The following ST8SIA2 variants were observed in gnomAD, a reference collection of about 807,000 sequenced individuals.
The protein encoded by ST8SIA2 is alpha-2,8-sialyltransferase 8B.
A neutral mutation model predicts 37.6 loss-of-function variants in ST8SIA2; 22 were observed. The ratio of observed to expected loss-of-function variants is 0.58; its 90% CI spans 0.42 to 0.83. The LOEUF (loss-of-function observed/expected upper bound fraction) is 0.83, where lower values mean the gene tolerates loss of function less well. Ranked by LOEUF, ST8SIA2 falls within the 40% of genes least tolerant of loss-of-function variation. The probability of loss-of-function intolerance (pLI) is 0.00; values close to 1 mark genes in which losing one functional copy is unlikely to be tolerated. For synonymous variants in ST8SIA2, 205 were observed against 201.2 expected, an observed-to-expected ratio of 1.02 and a Z score of -0.16; for missense variants, 382 against 484.7, an observed-to-expected ratio of 0.79 and a Z score of 1.99.
chr15:92,413,801 C>A (rs1023597892), intron 1 of ST8SIA2, among the ~76,000 whole-genome samples: 5 of 152,222 alleles, frequency 3.3e-5, no homozygotes, highest in African/African-American at 1.2e-4. Flanking sequence ...TTCACTCCGG[C>A]CCTCTTTCTT....
chr15:92,418,462 C>CA (rs34061544), intron 1 of ST8SIA2, among the ~76,000 whole-genome samples: 3,263 of 99,860 alleles, frequency 0.033, 153 homozygotes, highest in African/African-American at 0.099. Context: ...GACCCTCCCT[C>CA]AAAAAAAAAA....
intron 5 of ST8SIA2, among the ~76,000 whole-genome samples, chr15:92,456,516 A>C (rs2049920798): frequency 6.6e-6 from 1 of 152,330 alleles, no homozygotes; most frequent in Admixed American, 6.5e-5. Flanking sequence ...GTAAACAAGT[A>C]ATTCCAGTGT....
chr15:92,436,361 C>T (rs2049758770), intron 3 of ST8SIA2, among the ~76,000 whole-genome samples: 2 of 152,186 alleles, frequency 1.3e-5, no homozygotes, highest in East Asian at 1.9e-4. Flanking sequence ...CTTGTGAAGA[C>T]GAGACTGTGT....
chr15:92,434,319 C>T lies in ST8SIA2; in HGVS notation c.234C>T (p.Asn78=), dbSNP rs375019317. ...VDRSNESIKH[N]IQPASSKWRH... ...GAAGTAATGAAAGCATCAAGCACAA[C>T]ATCCAGCCAGCCTCGTCCAAATGGA... Residue 78 remains asparagine, a synonymous_variant, in exon 3 of 6, where the codon AAC becomes AAT. Transcript: ENST00000268164. 6 of 1,614,146 alleles carry T rather than the reference C, an allele frequency of 3.7e-6. No individual in the cohort carries two copies. Among genetic ancestry groups the T allele is most frequent in the Non-Finnish European group, 3.4e-6 (4 of 1,180,030 alleles).
chr15:92,462,759 T>C lies in ST8SIA2; in HGVS notation c.843-1341T>C, dbSNP rs80147094. 2.6e-4 allele frequency among the ~76,000 whole-genome samples: 39 copies of C among 152,316 alleles called. No individual in the cohort carries two copies. In the East Asian group the frequency reaches 5.2e-3, roughly 20 times the overall value. ...GTCTAGAGACACAATGGTAAGAAAT[T>C]TGTGGTAAGGAAAATGTCTTCCCAC... On this transcript the variant is annotated intron_variant, in intron 5 of 5. Coordinates refer to ENST00000268164, the MANE Select transcript of ST8SIA2 (RefSeq NM_006011.4).
chr15:92,455,545 G>A (rs528954586), intron 5 of ST8SIA2, among the ~76,000 whole-genome samples: 4 of 152,178 alleles, frequency 2.6e-5, no homozygotes, highest in Non-Finnish European at 4.4e-5. Context: ...CCTACGGAAC[G>A]TGGTTTAAGT....
At chr15:92,459,381 A>C (rs2049942177) in intron 5 of ST8SIA2, among the ~76,000 whole-genome samples, 1 of 152,150 alleles carries the variant, frequency 6.6e-6, no homozygotes, top group South Asian at 2.1e-4. Context: ...CCATGGGGTG[A>C]AAAATGCTCA....
At chr15:92,442,813 C>A (rs538010657) in intron 4 of ST8SIA2, among the ~76,000 whole-genome samples, 4 of 152,112 alleles carry the variant, frequency 2.6e-5, no homozygotes, top group South Asian at 4.1e-4. Flanking sequence ...TGGGAAGACG[C>A]GATATTTTAG....
At chr15:92,458,426 C>T (rs2049934406) in intron 5 of ST8SIA2, among the ~76,000 whole-genome samples, 1 of 152,146 alleles carries the variant, frequency 6.6e-6, no homozygotes, top group East Asian at 1.9e-4. Flanking sequence ...TGAGTGCTGC[C>T]GTCTCTGCAA....
intron 1 of ST8SIA2, among the ~76,000 whole-genome samples, chr15:92,418,507 A>G (rs1171996724): frequency 1.3e-5 from 2 of 150,352 alleles, no homozygotes; most frequent in African/African-American, 4.9e-5. Context: ...TGCCTGGCAC[A>G]TGGAGGGGCT....
intron 1 of ST8SIA2, among the ~76,000 whole-genome samples, chr15:92,401,432 G>A (rs11074064): frequency 0.48 from 72,256 of 152,082 alleles, 17,271 homozygotes; most frequent in Middle Eastern, 0.51. Flanking sequence ...CCGGTGTCCT[G>A]ACGGGACCTG....
intron 4 of ST8SIA2, among the ~76,000 whole-genome samples, chr15:92,443,333 G>C (rs1332994835): frequency 1.3e-5 from 2 of 152,114 alleles, no homozygotes; most frequent in African/African-American, 4.8e-5. Context: ...CCCAGTCCTA[G>C]GCACAGGCAG....
At chr15:92,397,586 C>A (rs1215977020) in intron 1 of ST8SIA2, among the ~76,000 whole-genome samples, 1 of 152,110 alleles carries the variant, frequency 6.6e-6, no homozygotes, top group Non-Finnish European at 1.5e-5. Context: ...GTAAAATAGG[C>A]CCTGATCAAT....
At chr15:92,418,173 G>T (rs1463464191) in intron 1 of ST8SIA2, among the ~76,000 whole-genome samples, 1 of 152,034 alleles carries the variant, frequency 6.6e-6, no homozygotes, top group Middle Eastern at 3.2e-3. Flanking sequence ...GTTACTATGG[G>T]CCTGGCATGG....
intron 4 of ST8SIA2, 84 bp downstream of exon 4, chr15:92,438,694 T>C (rs913252042): frequency 6.1e-6 from 9 of 1,468,150 alleles, no homozygotes; most frequent in Non-Finnish European, 8.1e-6. Flanking sequence ...TCCCAAGAGA[T>C]TGAAACAAGA....
chr15:92,428,181 G>C (rs536154896), intron 1 of ST8SIA2, among the ~76,000 whole-genome samples: 79 of 152,226 alleles, frequency 5.2e-4, no homozygotes, highest in African/African-American at 1.7e-3. Flanking sequence ...TGATTTCACA[G>C]AGGATATTGC....
chr15:92,457,819 G>A (rs747604293), intron 5 of ST8SIA2, among the ~76,000 whole-genome samples: 2 of 152,174 alleles, frequency 1.3e-5, no homozygotes, highest in African/African-American at 2.4e-5. Flanking sequence ...AGGCAGAATC[G>A]GAAATAAGTG....
At chr15:92,404,675 A>G (rs1444734781) in intron 1 of ST8SIA2, among the ~76,000 whole-genome samples, 1 of 151,470 alleles carries the variant, frequency 6.6e-6, no homozygotes, top group Non-Finnish European at 1.5e-5. Flanking sequence ...TACAAAAAAA[A>G]AAAAAAAAAA....
chr15:92,408,366 T>G (rs1262555156), intron 1 of ST8SIA2, among the ~76,000 whole-genome samples: 1 of 152,202 alleles, frequency 6.6e-6, no homozygotes, highest in Non-Finnish European at 1.5e-5. Flanking sequence ...CATGGTTTCT[T>G]GCCTGCTTGT....
Sources: gnomAD v4.1 joint callset for allele counts (sites outside exome capture counted in the v4.1 genomes callset) on GRCh38, gnomAD v4.1.1 for gene constraint, MANE v1.5 for transcripts, NCBI Gene and HGNC (gene_info 2026-07-23, HGNC 2026-07-21) for gene names.